EPSTI1: variants seen among roughly 807,000 people sequenced by gnomAD.
EPSTI1 encodes epithelial-stromal interaction protein 1.
A neutral mutation model predicts 49.9 loss-of-function variants in EPSTI1; 66 were observed. The observed-to-expected ratio is 1.32, with a 90% CI of 1.08 to 1.62. EPSTI1 has a LOEUF of 1.62. EPSTI1 is among the 40% of genes most tolerant of loss of function. EPSTI1 has a pLI of 0.00. For synonymous variants in EPSTI1, 137 were observed against 130.7 expected (o/e 1.05, Z -0.33); for missense variants, 394 against 365.5 (o/e 1.08, Z -0.64).
At position 42,942,658 on chromosome 13, in the gene EPSTI1, C is replaced by CTTTTTTTTT. The variant is rs1161224574; in HGVS notation, c.563+11281_563+11289dup. ...TGATTTTAATTAGATCCTGTTGATTCTTTTTTTTTTTTTTTTTTTTTTTTT... is the reference window on the plus strand; with the variant it reads ...TGATTTTAATTAGATCCTGTTGATTCTTTTTTTTTTTTTTTTTTTTTTTTTTTTTTTTTT... On this transcript the variant is annotated intron_variant, in intron 6 of 10. Coordinates refer to ENST00000313624, the MANE Select transcript of EPSTI1 (RefSeq NM_033255.5). Among the ~76,000 whole-genome samples the CTTTTTTTTT allele has an allele frequency of 7.6e-4, 49 of 64,648 alleles. 1 individual carries two copies. Among genetic ancestry groups the CTTTTTTTTT allele is most frequent in the African/African-American group, 1.0e-3 (16 of 15,240 alleles). The allele number at this position is 64,648 out of a possible 152,430, so 42.4% of individuals were successfully genotyped here.
intron 8 of EPSTI1, among the ~76,000 whole-genome samples, chr13:42,904,314 C>G (rs34163162): frequency 3.3e-5 from 5 of 152,188 alleles, no homozygotes; most frequent in African/African-American, 1.2e-4. Context: ...AGGCAGTTCA[C>G]AGATAAACTA....
intron 10 of EPSTI1, among the ~76,000 whole-genome samples, chr13:42,894,022 C>T (rs1308671192): frequency 2.6e-5 from 4 of 152,142 alleles, no homozygotes; most frequent in African/African-American, 7.2e-5. Context: ...GATAAATAGA[C>T]ACATCCAGGC....
At chr13:42,968,945 C>A in intron 3 of EPSTI1, 149 bp downstream of exon 3, 1 of 720,230 alleles carries the variant, frequency 1.4e-6, no homozygotes, top group Non-Finnish European at 2.3e-6. Context: ...CACACACACA[C>A]ACACACACAA....
chr13:42,897,680 T>C (rs572127297), intron 9 of EPSTI1, among the ~76,000 whole-genome samples: 124 of 152,294 alleles, frequency 8.1e-4, no homozygotes, highest in Non-Finnish European at 1.6e-3. Context: ...TGAGCATCAG[T>C]TACTAAGAGG....
chr13:42,917,639 A>AATT lies in EPSTI1; in HGVS notation c.658-16_658-15insAAT. 8.8e-7 allele frequency: 1 copy of AATT among 1,133,198 alleles called. No individual in the cohort carries two copies. The highest frequency in any genetic ancestry group is 1.2e-6 in the Non-Finnish European group (1 of 817,596). 70.2% of individuals were successfully genotyped at this position (1,133,198 alleles called of 1,614,324 possible). A position where few individuals can be genotyped will look rare whatever the true frequency, so the allele number is the denominator to read the frequency against. ...CAGCTTCTGGCCTGTAAAGGTACAA[A>AATT]GAGAAAAAAAAAAAAAAAAACAACT... is the stretch of plus-strand genomic sequence containing the variant. On this transcript the variant is annotated splice_polypyrimidine_tract_variant and intron_variant, in intron 7 of 10. Transcript: ENST00000313624.
At chr13:42,964,163 G>C (rs186747422) in intron 3 of EPSTI1, 24 bp from the exon 4 acceptor site, 1 of 1,600,256 alleles carries the variant, frequency 6.2e-7, no homozygotes, top group Admixed American at 1.7e-5. Flanking sequence ...AATCCATGAA[G>C]GTGAAACATA....
chr13:42,967,764 A>G (rs2039660382), intron 3 of EPSTI1, among the ~76,000 whole-genome samples: 1 of 152,098 alleles, frequency 6.6e-6, no homozygotes, highest in Admixed American at 6.5e-5. Context: ...GTCAGTGTAA[A>G]CCTAGGCTCA....
intron 7 of EPSTI1, among the ~76,000 whole-genome samples, chr13:42,920,418 C>T (rs940579710): frequency 6.6e-6 from 1 of 152,090 alleles, no homozygotes; most frequent in African/African-American, 2.4e-5. Flanking sequence ...AAGTGACTTA[C>T]AGAGGAAAAG....
chr13:42,977,895 A>C (rs985905657), intron 1 of EPSTI1, among the ~76,000 whole-genome samples: 3 of 152,234 alleles, frequency 2.0e-5, no homozygotes, highest in Admixed American at 1.3e-4. Flanking sequence ...TCATGCCTGT[A>C]ATCCCAGCAC....
chr13:42,990,717 C>T (rs1253643688), intron 1 of EPSTI1, among the ~76,000 whole-genome samples: 1 of 152,118 alleles, frequency 6.6e-6, no homozygotes, highest in Non-Finnish European at 1.5e-5. Context: ...ATATTAAAGG[C>T]CTGGTACTTT....
intron 6 of EPSTI1, among the ~76,000 whole-genome samples, chr13:42,940,891 C>T (rs1350458604): frequency 6.6e-6 from 1 of 152,112 alleles, no homozygotes; most frequent in African/African-American, 2.4e-5. Context: ...CCTCTTTTAA[C>T]TGCTTGTTCA....
At chr13:42,935,285 C>T (rs953353250) in intron 6 of EPSTI1, among the ~76,000 whole-genome samples, 1 of 152,224 alleles carries the variant, frequency 6.6e-6, no homozygotes, top group African/African-American at 2.4e-5. Context: ...AATTCTTGCG[C>T]AGCTTAGAGC....
intron 5 of EPSTI1, among the ~76,000 whole-genome samples, chr13:42,955,586 G>A (rs1420636418): frequency 2.0e-5 from 3 of 152,148 alleles, no homozygotes; most frequent in African/African-American, 7.2e-5. Context: ...CGGATCATCT[G>A]AGGTCAGGAG....
At chr13:42,964,962 T>C (rs150628847) in intron 3 of EPSTI1, among the ~76,000 whole-genome samples, 206 of 152,344 alleles carry the variant, frequency 1.4e-3, no homozygotes, top group African/African-American at 4.8e-3. Context: ...TCACAGAAGA[T>C]GCATTAAAAC....
At chr13:42,939,762 A>G (rs1416689493) in intron 6 of EPSTI1, among the ~76,000 whole-genome samples, 2 of 152,238 alleles carry the variant, frequency 1.3e-5, no homozygotes, top group Admixed American at 6.5e-5. Flanking sequence ...TATGACACAA[A>G]GTGGGAAAAT....
intron 7 of EPSTI1, among the ~76,000 whole-genome samples, chr13:42,924,143 A>T (rs927067873): frequency 4.6e-5 from 7 of 152,254 alleles, no homozygotes; most frequent in Non-Finnish European, 7.3e-5. Context: ...TTCTCAGAAG[A>T]ATTCTATGCA....
At chr13:42,945,480 C>G (rs2038892148) in intron 6 of EPSTI1, among the ~76,000 whole-genome samples, 1 of 152,082 alleles carries the variant, frequency 6.6e-6, no homozygotes, top group African/African-American at 2.4e-5. Context: ...CTAAGATGGC[C>G]CATGGTTCCC....
chr13:42,975,525 C>T (rs756480597), intron 1 of EPSTI1, among the ~76,000 whole-genome samples: 3 of 152,130 alleles, frequency 2.0e-5, no homozygotes, highest in Admixed American at 6.5e-5. Context: ...AGGAAATCAT[C>T]GGGGCCTTTG....
At chr13:42,917,847 C>T (rs1228937981) in intron 7 of EPSTI1, among the ~76,000 whole-genome samples, 1 of 152,174 alleles carries the variant, frequency 6.6e-6, no homozygotes, top group Non-Finnish European at 1.5e-5. Flanking sequence ...TAAGCACAAT[C>T]ATCCTGCACA....
Sources: gnomAD v4.1 joint callset for allele counts (sites outside exome capture counted in the v4.1 genomes callset) on GRCh38, gnomAD v4.1.1 for gene constraint, MANE v1.5 for transcripts, NCBI Gene and HGNC (gene_info 2026-07-23, HGNC 2026-07-21) for gene names.